LGR6: variants seen among roughly 807,000 people sequenced by gnomAD.
LGR6 encodes the protein leucine-rich repeat-containing G protein-coupled receptor 6.
Under a neutral mutation model 69.4 loss-of-function variants are expected in LGR6, and 45 were observed. The ratio of observed to expected loss-of-function variants is 0.65; its 90% CI spans 0.51 to 0.83. The LOEUF (loss-of-function observed/expected upper bound fraction) is 0.83, where lower values mean the gene tolerates loss of function less well. LGR6 is among the 40% of genes least tolerant of loss of function. LGR6 has a pLI of 0.00. For synonymous variants in LGR6, 538 were observed against 555.0 expected, an observed-to-expected ratio of 0.97 and a Z score of 0.43; for missense variants, 1,108 against 1,246.7, an observed-to-expected ratio of 0.89 and a Z score of 1.68.
At chr1:202,237,458 G>A (rs151136462) in intron 4 of LGR6, among the ~76,000 whole-genome samples, 133 of 152,288 alleles carry the variant, frequency 8.7e-4, no homozygotes, top group African/African-American at 3.1e-3. Context: ...GACTTCATAG[G>A]GGAAAAAAAT....
chr1:202,220,669 A>G (rs748534852), intron 1 of LGR6, among the ~76,000 whole-genome samples: 1 of 152,176 alleles, frequency 6.6e-6, no homozygotes, highest in Non-Finnish European at 1.5e-5. Context: ...GCTGTGCTAC[A>G]TGCATGGTAA....
chr1:202,314,679 T>C (rs1207471636), intron 16 of LGR6, 123 bp from the exon 17 acceptor site: 2 of 701,636 alleles, frequency 2.9e-6, no homozygotes, highest in East Asian at 5.2e-5. Context: ...GCCGGGTTGC[T>C]AGAATGAACA....
intron 16 of LGR6, among the ~76,000 whole-genome samples, chr1:202,311,668 CTAAA>C (rs1213602552): frequency 3.3e-5 from 5 of 152,086 alleles, no homozygotes; most frequent in African/African-American, 1.2e-4. Context: ...TCTCAAAAAA[CTAAA>C]TAAATAAATA....
chr1:202,219,591 C>T (rs1224666917), intron 1 of LGR6, among the ~76,000 whole-genome samples: 1 of 152,160 alleles, frequency 6.6e-6, no homozygotes, highest in Non-Finnish European at 1.5e-5. Context: ...CTGGGGGAGA[C>T]ATTGACACTA....
rs766533564 is a variant in LGR6 at position 202,310,230 on chromosome 1, T to C, written c.1440T>C (p.Cys480=). The C allele has an allele frequency of 1.1e-5, 17 of 1,614,094 alleles. 1 individual carries two copies. In the South Asian group the frequency reaches 1.5e-4, roughly 15 times the overall value. Residue 480 remains cysteine (C), a synonymous_variant, in exon 16 of 18, where the codon TGT becomes TGC. Coordinates refer to ENST00000367278, the MANE Select transcript of LGR6 (RefSeq NM_001017403.2). The part of the protein sequence containing the change: ...ILEVPYAYQC[C]PYGMCASFFK... Reference sequence around the variant, plus strand: ...AGGTGCCTTATGCCTACCAGTGCTGTCCCTATGGGATGTGTGCCAGCTTCT... The same window carrying C: ...AGGTGCCTTATGCCTACCAGTGCTGCCCCTATGGGATGTGTGCCAGCTTCT...
intron 3 of LGR6, among the ~76,000 whole-genome samples, chr1:202,229,083 G>A (rs1223830159): frequency 6.6e-6 from 1 of 152,156 alleles, no homozygotes; most frequent in Non-Finnish European, 1.5e-5. Flanking sequence ...GTGCTGATGG[G>A]CTAGTGGTGG....
At position 202,306,908 on chromosome 1, in the gene LGR6, A is replaced by G. The variant is rs762603958; in HGVS notation, c.1177A>G (p.Thr393Ala). The G allele has an allele frequency of 2.5e-6, 4 of 1,613,868 alleles. No individual in the cohort carries two copies. The African/African-American group carries it at 4.0e-5, about 16-fold the overall frequency. Residue 393 changes from threonine (T) to alanine (A), a missense_variant, in exon 13 of 18, where the codon ACC becomes GCC. Coordinates refer to ENST00000367278, the MANE Select transcript of LGR6 (RefSeq NM_001017403.2). ...CCGCATCTGGGAAATTGGAGCTGACACCTTCAGCCAGCTGAGCTCCCTGCA... is the reference window on the plus strand; with the variant it reads ...CCGCATCTGGGAAATTGGAGCTGACGCCTTCAGCCAGCTGAGCTCCCTGCA... Reference protein sequence around the residue: ...HNRIWEIGADTFSQLSSLQAL... With the variant: ...HNRIWEIGADAFSQLSSLQAL...
chr1:202,204,593 AACAC>A (rs558222553), intron 1 of LGR6, among the ~76,000 whole-genome samples: 467 of 111,612 alleles, frequency 4.2e-3, no homozygotes, highest in Middle Eastern at 0.013. Flanking sequence ...ACCTCCTTCA[AACAC>A]ACACACCTCC....
At chr1:202,294,799 A>T (rs1667030081) in intron 6 of LGR6, among the ~76,000 whole-genome samples, 1 of 152,180 alleles carries the variant, frequency 6.6e-6, no homozygotes, top group Non-Finnish European at 1.5e-5. Context: ...AGGATTTGTG[A>T]TCACTTTTAA....
intron 1 of LGR6, among the ~76,000 whole-genome samples, chr1:202,203,431 G>T (rs572009788): frequency 1.4e-4 from 22 of 152,194 alleles, no homozygotes; most frequent in African/African-American, 5.1e-4. Context: ...ACACTGTGTG[G>T]ATTCTGGCAA....
chr1:202,318,028 C>T lies in LGR6; in HGVS notation c.1725C>T (p.Ser575=), dbSNP rs12123010. 187,458 of 1,614,084 alleles carry T rather than the reference C, an allele frequency of 0.12. 11,663 individuals carry two copies. The highest frequency in any genetic ancestry group is 0.18 in the Middle Eastern group (1,070 of 6,062). The part of the protein sequence containing the change: ...RLAVWAIVLL[S]VLCNGLVLLT... Reference sequence around the variant, plus strand: ...CCGTGTGGGCCATCGTGTTGCTCTCCGTGCTCTGCAATGGACTGGTGCTGC... The same window carrying T: ...CCGTGTGGGCCATCGTGTTGCTCTCTGTGCTCTGCAATGGACTGGTGCTGC... The change falls in exon 18 of 18, where the codon TCC becomes TCT. Residue 575 remains serine (S), a synonymous_variant. Coordinates refer to ENST00000367278, the MANE Select transcript of LGR6 (RefSeq NM_001017403.2).
chr1:202,221,491 C>A (rs3010072), intron 1 of LGR6, among the ~76,000 whole-genome samples: 115,730 of 151,918 alleles, frequency 0.76, 45,727 homozygotes, highest in East Asian at 0.94. Context: ...CCCTCCTGCA[C>A]GTCTCTCCCT....
intron 5 of LGR6, among the ~76,000 whole-genome samples, chr1:202,278,338 G>C (rs1453311561): frequency 1.3e-5 from 2 of 152,088 alleles, no homozygotes; most frequent in South Asian, 2.1e-4. Context: ...CAAGAAGAAG[G>C]GGAGTCATGG....
chr1:202,227,186 G>A (rs1041097186), intron 2 of LGR6, among the ~76,000 whole-genome samples: 10 of 152,166 alleles, frequency 6.6e-5, no homozygotes, highest in African/African-American at 1.7e-4. Flanking sequence ...TAAAAATAGT[G>A]TCTGAGGTAT....
In LGR6 at chr1:202,235,908, C is replaced by T; in HGVS notation, c.357-14C>T. The T allele has an allele frequency of 6.2e-7, 1 of 1,613,674 alleles. No individual in the cohort carries two copies. On this transcript the variant is annotated splice_polypyrimidine_tract_variant and intron_variant, in intron 3 of 17. Transcript: ENST00000367278. ...ACCATGTGCGTCCTTAAAGCCCTTTCTCTTCTCCCGTAGGATGCTGCAGAA... is the reference window on the plus strand; with the variant it reads ...ACCATGTGCGTCCTTAAAGCCCTTTTTCTTCTCCCGTAGGATGCTGCAGAA...
chr1:202,217,176 T>G lies in LGR6; in HGVS notation c.213-8247T>G, dbSNP rs142703175. Among the ~76,000 whole-genome samples the G allele has an allele frequency of 1.4e-4, 21 of 152,340 alleles. No individual in the cohort carries two copies. The East Asian group carries it at 4.1e-3, about 29-fold the overall frequency. ...TCACTCTGCCCAGGGGCCCACACCC[T>G]TGGCATGCTGTTGCTGTCAGATTAA... is the stretch of plus-strand genomic sequence containing the variant. On this transcript the variant is annotated intron_variant, in intron 1 of 17. Transcript: ENST00000367278.
At chr1:202,219,215 A>G (rs960587852) in intron 1 of LGR6, among the ~76,000 whole-genome samples, 2 of 152,150 alleles carry the variant, frequency 1.3e-5, no homozygotes, top group African/African-American at 2.4e-5. Flanking sequence ...AGTGGGAGAG[A>G]ACCCCACCTT....
In LGR6 at chr1:202,256,951, C is replaced by T. The variant is rs116438725; in HGVS notation, c.429-19355C>T. ...CTCGTTGTGGTTCTGATTTGCATTT[C>T]CCTGATGATTAATGATGTTAAGGAT... On this transcript the variant is annotated intron_variant, in intron 4 of 17. Transcript: ENST00000367278. 6.9e-3 allele frequency among the ~76,000 whole-genome samples: 1,048 copies of T among 152,196 alleles called. 7 individuals carry two copies. Among genetic ancestry groups the T allele is most frequent in the Non-Finnish European group, 0.01 (710 of 68,002 alleles).
chr1:202,310,134 A>G, intron 15 of LGR6, 63 bp from the exon 16 acceptor site: 1 of 1,557,022 alleles, frequency 6.4e-7, no homozygotes, highest in South Asian at 1.1e-5. Context: ...CTCTTAAATC[A>G]GACTTAGGTC....
Sources: gnomAD v4.1 joint callset for allele counts (sites outside exome capture counted in the v4.1 genomes callset) on GRCh38, gnomAD v4.1.1 for gene constraint, MANE v1.5 for transcripts, NCBI Gene and HGNC (gene_info 2026-07-23, HGNC 2026-07-21) for gene names.